WWOX: variants seen among roughly 807,000 people sequenced by gnomAD.
The protein encoded by WWOX is WW domain-containing oxidoreductase.
Under a neutral mutation model 46.2 loss-of-function variants are expected in WWOX, and 69 were observed. The ratio of observed to expected loss-of-function variants is 1.49; its 90% CI spans 1.23 to 1.82. The LOEUF (loss-of-function observed/expected upper bound fraction) is 1.82. Among genes scored for constraint, WWOX ranks in the 40% most tolerant of loss-of-function variants. The pLI is 0.00. For missense variants in WWOX, 919 were observed against 542.6 expected (o/e 1.69, Z -6.89); for synonymous variants, 359 against 202.6 (o/e 1.77, Z -6.56).
chr16:78,863,878 C>T (rs1425777653), intron 8 of WWOX, among the ~76,000 whole-genome samples: 4 of 152,178 alleles, frequency 2.6e-5, no homozygotes, highest in Non-Finnish European at 4.4e-5. Context: ...TGATTGGCCT[C>T]CTCCACTTAG....
At chr16:79,097,254 G>A (rs1471642675) in intron 8 of WWOX, among the ~76,000 whole-genome samples, 2 of 151,704 alleles carry the variant, frequency 1.3e-5, no homozygotes, top group African/African-American at 2.4e-5. Flanking sequence ...TGATTCCCAG[G>A]CCCTCATGCC....
intron 8 of WWOX, among the ~76,000 whole-genome samples, chr16:78,932,319 C>G (rs2045641002): frequency 1.3e-5 from 2 of 152,192 alleles, no homozygotes; most frequent in Admixed American, 6.5e-5. Flanking sequence ...AGGCAGTGAC[C>G]TAACGCAGTC....
chr16:78,787,516 A>G (rs2050487444), intron 8 of WWOX, among the ~76,000 whole-genome samples: 2 of 152,116 alleles, frequency 1.3e-5, no homozygotes, highest in African/African-American at 2.4e-5. Context: ...TTTATGGTTG[A>G]GTGATATTCT....
chr16:78,780,999 G>A (rs568485086), intron 8 of WWOX, among the ~76,000 whole-genome samples: 3 of 152,338 alleles, frequency 2.0e-5, no homozygotes, highest in Admixed American at 2.0e-4. Context: ...GTGGCCGAAG[G>A]AGTGCCGTGA....
At chr16:79,146,886 G>T (rs546617138) in intron 8 of WWOX, among the ~76,000 whole-genome samples, 1 of 152,162 alleles carries the variant, frequency 6.6e-6, no homozygotes, top group Non-Finnish European at 1.5e-5. Flanking sequence ...ACTTCTACAT[G>T]TGTCCCTTCA....
chr16:78,963,032 C>T (rs187203356), intron 8 of WWOX, among the ~76,000 whole-genome samples: 90 of 152,270 alleles, frequency 5.9e-4, no homozygotes, highest in Non-Finnish European at 1.0e-3. Flanking sequence ...AAATTGCAGA[C>T]GTACACAAAA....
intron 8 of WWOX, among the ~76,000 whole-genome samples, chr16:78,809,295 A>T (rs1295991519): frequency 6.6e-6 from 1 of 151,196 alleles, no homozygotes; most frequent in Non-Finnish European, 1.5e-5. Flanking sequence ...AACCAAAGCA[A>T]AGCCAATAGA....
chr16:78,300,852 G>T (rs1264874720), intron 5 of WWOX, among the ~76,000 whole-genome samples: 2 of 152,000 alleles, frequency 1.3e-5, no homozygotes, highest in East Asian at 3.9e-4. Context: ...GTGTCTCCAG[G>T]GGCCATATGT....
intron 8 of WWOX, among the ~76,000 whole-genome samples, chr16:79,192,690 A>C (rs1048085660): frequency 1.3e-5 from 2 of 152,062 alleles, no homozygotes; most frequent in African/African-American, 4.8e-5. Flanking sequence ...TTTGCCTCTC[A>C]CTTTTTATTT....
At chr16:78,589,695 A>G (rs2045305806) in intron 8 of WWOX, among the ~76,000 whole-genome samples, 1 of 152,190 alleles carries the variant, frequency 6.6e-6, no homozygotes, top group Non-Finnish European at 1.5e-5. Context: ...CTAAAAATAA[A>G]GACTTGTGAA....
At chr16:79,073,105 C>T (rs561353754) in intron 8 of WWOX, among the ~76,000 whole-genome samples, 2 of 151,480 alleles carry the variant, frequency 1.3e-5, no homozygotes, top group Non-Finnish European at 2.9e-5. Context: ...CATTATGGTA[C>T]ATAAAAGAGC....
At chr16:78,336,954 A>G (rs1268607473) in intron 5 of WWOX, among the ~76,000 whole-genome samples, 1 of 151,598 alleles carries the variant, frequency 6.6e-6, no homozygotes, top group Non-Finnish European at 1.5e-5. Flanking sequence ...AATTTTTTGT[A>G]TTTTTTAGTA....
intron 5 of WWOX, among the ~76,000 whole-genome samples, chr16:78,314,616 C>T (rs565190174): frequency 6.8e-6 from 1 of 147,500 alleles, no homozygotes; most frequent in Non-Finnish European, 1.5e-5. Context: ...CCTCTACCTC[C>T]TGGGTTCAAG....
chr16:78,548,808 A>C (rs1270944813), intron 8 of WWOX, among the ~76,000 whole-genome samples: 3 of 152,204 alleles, frequency 2.0e-5, no homozygotes, highest in African/African-American at 4.8e-5. Context: ...CCTTCATTTC[A>C]ATATTTGCCT....
chr16:79,044,719 G>T (rs1110565), intron 8 of WWOX, among the ~76,000 whole-genome samples: 1 of 152,004 alleles, frequency 6.6e-6, no homozygotes, highest in Non-Finnish European at 1.5e-5. Context: ...CATGGTCTCT[G>T]AGCAGGATTA....
chr16:78,620,064 T>C (rs1349387053), intron 8 of WWOX, among the ~76,000 whole-genome samples: 1 of 152,162 alleles, frequency 6.6e-6, no homozygotes, highest in African/African-American at 2.4e-5. Flanking sequence ...TGGAAGATCA[T>C]CTCTAATTAA....
chr16:78,718,983 C>G (rs1055620431), intron 8 of WWOX, among the ~76,000 whole-genome samples: 1 of 152,004 alleles, frequency 6.6e-6, no homozygotes, highest in Non-Finnish European at 1.5e-5. Context: ...TTTTTTGAGT[C>G]TGTAAGATCC....
intron 5 of WWOX, among the ~76,000 whole-genome samples, chr16:78,166,429 T>G (rs1299512512): frequency 6.6e-6 from 1 of 152,254 alleles, no homozygotes. Flanking sequence ...TGAGCATTCT[T>G]TATTTACGTA....
At chr16:79,115,268 G>A (rs565913843) in intron 8 of WWOX, among the ~76,000 whole-genome samples, 2 of 152,334 alleles carry the variant, frequency 1.3e-5, no homozygotes, top group South Asian at 2.1e-4. Flanking sequence ...TCATAGGGAT[G>A]CATGTAGCCT....
Sources: allele counts gnomAD v4.1 joint callset (sites outside exome capture counted in the v4.1 genomes callset), GRCh38; gene constraint gnomAD v4.1.1; transcripts MANE v1.5; gene names NCBI Gene and HGNC (gene_info 2026-07-23, HGNC 2026-07-21).